Variants in ATG7 observed in about 807,000 individuals in gnomAD.
ATG7 encodes ubiquitin-like modifier-activating enzyme ATG7.
A neutral mutation model predicts 82.4 loss-of-function variants in ATG7; 70 were observed. That is an observed-to-expected ratio of 0.85 (90% CI 0.70 to 1.04). ATG7 has a LOEUF of 1.04. Among genes scored for constraint, ATG7 ranks in the 50% least tolerant of loss-of-function variants. ATG7 has a pLI of 0.00. For synonymous variants in ATG7, 287 were observed against 313.0 expected (o/e 0.92, Z 0.88); for missense variants, 792 against 864.3 (o/e 0.92, Z 1.05).
chr3:11,285,097 A>G (rs1210966130), intron 3 of ATG7, among the ~76,000 whole-genome samples: 4 of 111,688 alleles, frequency 3.6e-5, no homozygotes, highest in Non-Finnish European at 5.4e-5. Flanking sequence ...TGATTTGCCC[A>G]CCTCGGCCTC....
intron 9 of ATG7, among the ~76,000 whole-genome samples, chr3:11,325,002 A>G (rs1414115486): frequency 2.0e-5 from 3 of 152,112 alleles, no homozygotes; most frequent in Non-Finnish European, 2.9e-5. Flanking sequence ...TATACCTTCT[A>G]TGTGTTTAGA....
chr3:11,350,869 G>A (rs1042388496), intron 14 of ATG7, among the ~76,000 whole-genome samples: 22 of 144,292 alleles, frequency 1.5e-4, no homozygotes, highest in African/African-American at 4.9e-4. Context: ...GGAGGAGATC[G>A]CTTAAGGCCA....
At chr3:11,464,304 C>T (rs943110550) in intron 20 of ATG7, among the ~76,000 whole-genome samples, 83 of 152,132 alleles carry the variant, frequency 5.5e-4, no homozygotes, top group African/African-American at 1.9e-3. Flanking sequence ...CCCAAGAGGT[C>T]GAGACTGCAG....
rs1291858615 is a variant in ATG7 at position 11,429,702 on chromosome 3, C to T, written c.2079+2776C>T. Among the ~76,000 whole-genome samples the T allele has an allele frequency of 7.2e-5, 11 of 151,952 alleles. 1 individual carries two copies. Among genetic ancestry groups the T allele is most frequent in the Admixed American group, 7.2e-4 (11 of 15,280 alleles). On this transcript the variant is annotated intron_variant, in intron 20 of 20. Transcript: ENST00000693202. ...GTGGCTCATGCCTCTAATCCTAGCACTTTGGGAGGCCAAGGCTGGTGGAGT... is the reference window on the plus strand; with the variant it reads ...GTGGCTCATGCCTCTAATCCTAGCATTTTGGGAGGCCAAGGCTGGTGGAGT...
intron 20 of ATG7, among the ~76,000 whole-genome samples, chr3:11,481,142 A>G (rs1364201789): frequency 1.3e-5 from 2 of 152,228 alleles, no homozygotes; most frequent in Non-Finnish European, 2.9e-5. Context: ...TGTGCAGAGC[A>G]CTGTGTAAGC....
chr3:11,455,046 A>G (rs1374932570), intron 20 of ATG7, among the ~76,000 whole-genome samples: 1 of 152,222 alleles, frequency 6.6e-6, no homozygotes, highest in Non-Finnish European at 1.5e-5. Flanking sequence ...TCTCGAGTAC[A>G]GTTATTTACA....
At chr3:11,374,685 C>T (rs1342291736) in intron 18 of ATG7, among the ~76,000 whole-genome samples, 6 of 152,082 alleles carry the variant, frequency 3.9e-5, no homozygotes, top group East Asian at 3.9e-4. Flanking sequence ...GCGGGCAGAT[C>T]GTGAGGTCAG....
At chr3:11,508,556 G>A (rs1487530417) in intron 20 of ATG7, among the ~76,000 whole-genome samples, 1 of 152,092 alleles carries the variant, frequency 6.6e-6, no homozygotes, top group African/African-American at 2.4e-5. Flanking sequence ...CCTGGGCTCA[G>A]GTGATCCTCC....
At position 11,311,391 on chromosome 3, in the gene ATG7, C is replaced by G. The variant is rs1277453249; in HGVS notation, c.412-1913C>G. Among the ~76,000 whole-genome samples, 4 of 151,930 alleles carry G rather than the reference C, an allele frequency of 2.6e-5. No individual in the cohort carries two copies. The East Asian group carries it at 7.8e-4, about 29-fold the overall frequency. On this transcript the variant is annotated intron_variant, in intron 7 of 20. Transcript: ENST00000693202. The stretch of plus-strand genomic sequence containing the variant: ...GGCCGAGGTAGGCGGATTGCCTGAG[C>G]TCAGGAGTTTGAGACCAGCTTGGGC...
At chr3:11,558,518 C>G, downstream of ATG7, 6 of 1,364,608 alleles carry the variant, frequency 4.4e-6, no homozygotes, top group Non-Finnish European at 5.8e-6. Flanking sequence ...CTCAGGCAAA[C>G]CATGCAGATC....
chr3:11,291,971 C>A (rs1174790739), intron 3 of ATG7, among the ~76,000 whole-genome samples: 1 of 152,184 alleles, frequency 6.6e-6, no homozygotes, highest in East Asian at 1.9e-4. Flanking sequence ...AGGGAGCCAC[C>A]TGTGCAGATC....
At chr3:11,374,111 T>C (rs1191191912) in intron 18 of ATG7, among the ~76,000 whole-genome samples, 2 of 152,188 alleles carry the variant, frequency 1.3e-5, no homozygotes, top group Non-Finnish European at 2.9e-5. Context: ...AGACTGATCC[T>C]CAAATTCATA....
chr3:11,454,614 G>A (rs1019503012), intron 20 of ATG7, among the ~76,000 whole-genome samples: 3 of 152,190 alleles, frequency 2.0e-5, no homozygotes, highest in African/African-American at 7.2e-5. Context: ...GTCTTTCTGG[G>A]CATATGAGGC....
chr3:11,477,460 T>G (rs73139518), intron 20 of ATG7: 25,733 of 414,954 alleles, frequency 0.062, 1,685 homozygotes, highest in African/African-American at 0.24. Context: ...CCCTCTAATT[T>G]ATAAATGTCA....
chr3:11,389,954 T>G (rs998108658), intron 19 of ATG7, among the ~76,000 whole-genome samples: 2 of 152,246 alleles, frequency 1.3e-5, no homozygotes, highest in African/African-American at 4.8e-5. Flanking sequence ...AATTTGGATT[T>G]CTCTTAGTTC....
chr3:11,307,167 G>A, intron 6 of ATG7, 107 bp downstream of exon 6: 1 of 989,884 alleles, frequency 1.0e-6, no homozygotes, highest in South Asian at 1.4e-5. Flanking sequence ...CATATGAAGG[G>A]AACTTAAAGA....
At chr3:11,331,314 A>C in intron 9 of ATG7, 26 bp from the exon 10 acceptor site, 1 of 1,545,816 alleles carries the variant, frequency 6.5e-7, no homozygotes, top group Non-Finnish European at 8.9e-7. Flanking sequence ...TACTCGACTT[A>C]CTCAGAAAGT....
chr3:11,362,888 G>A lies in ATG7; in HGVS notation c.1759G>A (p.Ala587Thr), dbSNP rs748270825. 5 of 1,613,938 alleles carry A rather than the reference G, an allele frequency of 3.1e-6. No homozygotes were observed. The highest frequency in any genetic ancestry group is 4.2e-6 in the Non-Finnish European group (5 of 1,179,978). ...PGLAVIAGAL[A>T]VELMVSVLQH... ...ACTGGCCGTGATTGCAGGAGCCCTG[G>A]CCGTGGAATTGATGGTATCTGTTTT... Residue 587 changes from alanine to threonine, a missense_variant, in exon 17 of 21, where the codon GCC becomes ACC. Physicochemically the swap from Ala to Thr is moderately conservative, Grantham distance 58. Coordinates refer to ENST00000693202, the MANE Select transcript of ATG7 (RefSeq NM_001349232.2).
intron 20 of ATG7, among the ~76,000 whole-genome samples, chr3:11,521,368 A>G (rs2092436732): frequency 6.6e-6 from 1 of 152,180 alleles, no homozygotes; most frequent in Non-Finnish European, 1.5e-5. Context: ...ACCTGGACTC[A>G]TAAACCCAAA....
Sources: allele counts gnomAD v4.1 joint callset (sites outside exome capture counted in the v4.1 genomes callset), GRCh38; gene constraint gnomAD v4.1.1; transcripts MANE v1.5; gene names NCBI Gene and HGNC (gene_info 2026-07-23, HGNC 2026-07-21).